NKAIN2: variants seen among roughly 807,000 people sequenced by gnomAD.
The protein encoded by NKAIN2 is sodium/potassium-transporting ATPase subunit beta-1-interacting protein 2.
NKAIN2 carries 14 observed loss-of-function variants against 32.6 expected under a neutral mutation model. The ratio of observed to expected loss-of-function variants is 0.43; its 90% CI spans 0.28 to 0.67. NKAIN2 has a LOEUF of 0.67. NKAIN2 is among the 30% of genes least tolerant of loss of function. NKAIN2 has a pLI of 0.17. For missense variants in NKAIN2, 198 were observed against 258.3 expected (o/e 0.77, Z 1.60); for synonymous variants, 80 against 87.2 (o/e 0.92, Z 0.46).
At chr6:124,626,455 A>G (rs1723489443) in intron 3 of NKAIN2, among the ~76,000 whole-genome samples, 1 of 152,082 alleles carries the variant, frequency 6.6e-6, no homozygotes, top group African/African-American at 2.4e-5. Context: ...AGCTTTATAC[A>G]ATGCAGATTC....
intron 1 of NKAIN2, among the ~76,000 whole-genome samples, chr6:124,050,062 G>T (rs1300716096): frequency 6.6e-6 from 1 of 151,846 alleles, no homozygotes; most frequent in African/African-American, 2.4e-5. Context: ...GTATATATGG[G>T]GTTTGTATTA....
At chr6:123,863,105 G>A (rs1775850729) in intron 1 of NKAIN2, among the ~76,000 whole-genome samples, 1 of 152,176 alleles carries the variant, frequency 6.6e-6, no homozygotes, top group Non-Finnish European at 1.5e-5. Context: ...CTTGCCAACT[G>A]GCCTCTGGAG....
chr6:124,045,229 C>G (rs1472023016), intron 1 of NKAIN2, among the ~76,000 whole-genome samples: 1 of 151,722 alleles, frequency 6.6e-6, no homozygotes, highest in African/African-American at 2.4e-5. Context: ...TATGAAACTA[C>G]TGGTCTGCAA....
intron 3 of NKAIN2, among the ~76,000 whole-genome samples, chr6:124,406,013 G>GGTGTGTGTGTGTGTGAGTGTGTGTGT (rs1773842605): frequency 6.7e-6 from 1 of 148,460 alleles, no homozygotes. Flanking sequence ...TTACCACCAC[G>GGTGTGTGTGTGTGTGAGTGTGTGTGT]GTGTGTGTGT....
intron 1 of NKAIN2, among the ~76,000 whole-genome samples, chr6:123,861,458 G>C (rs903908520): frequency 1.3e-5 from 2 of 152,272 alleles, no homozygotes; most frequent in African/African-American, 4.8e-5. Context: ...TGTTTGACTA[G>C]TTTACAGTCC....
intron 3 of NKAIN2, among the ~76,000 whole-genome samples, chr6:124,392,328 CTCAATAGCTATTTGCTG>C (rs1198307992): frequency 7.2e-5 from 11 of 152,114 alleles, no homozygotes; most frequent in African/African-American, 2.7e-4. Flanking sequence ...ATAGTAAGTA[CTCAATAGCTATTTGCTG>C]AATTAACAAA....
At chr6:124,792,298 C>T (rs910826322) in intron 5 of NKAIN2, among the ~76,000 whole-genome samples, 5 of 152,068 alleles carry the variant, frequency 3.3e-5, no homozygotes, top group African/African-American at 7.2e-5. Context: ...AGATAAATAT[C>T]TGTTTCTTCT....
intron 1 of NKAIN2, among the ~76,000 whole-genome samples, chr6:123,931,598 G>C (rs985569401): frequency 6.6e-6 from 1 of 152,008 alleles, no homozygotes; most frequent in Non-Finnish European, 1.5e-5. Flanking sequence ...GGATAAATAA[G>C]AGACTATACA....
chr6:124,204,806 A>C (rs1426070757), intron 1 of NKAIN2, among the ~76,000 whole-genome samples: 3 of 151,702 alleles, frequency 2.0e-5, no homozygotes, highest in Non-Finnish European at 4.4e-5. Flanking sequence ...AGCACTTATT[A>C]ATTTAGCTAA....
chr6:124,795,422 GA>G (rs1562387736), intron 5 of NKAIN2, among the ~76,000 whole-genome samples: 2 of 152,096 alleles, frequency 1.3e-5, no homozygotes, highest in South Asian at 2.1e-4. Flanking sequence ...TAGACCCAAT[GA>G]AATACCAATA....
At position 124,514,594 on chromosome 6, in the gene NKAIN2, G is replaced by A. The variant is rs551337215; in HGVS notation, c.274-143592G>A. ...GCTAGTATTTAGTTATGCAACTTCA[G>A]TGTTGGGTAGATGGATCTACCACAG... On this transcript the variant is annotated intron_variant, in intron 3 of 6. Coordinates refer to ENST00000368417, the MANE Select transcript of NKAIN2 (RefSeq NM_001040214.3). 4.6e-5 allele frequency among the ~76,000 whole-genome samples: 7 copies of A among 152,210 alleles called. No individual in the cohort carries two copies. The South Asian group carries it at 8.3e-4, about 18-fold the overall frequency.
chr6:124,037,614 C>T (rs1275777102), intron 1 of NKAIN2, among the ~76,000 whole-genome samples: 1 of 152,176 alleles, frequency 6.6e-6, no homozygotes, highest in East Asian at 1.9e-4. Context: ...ATCAAAGAGC[C>T]TCTTGAGACA....
At chr6:124,418,356 G>A (rs1234057329) in intron 3 of NKAIN2, among the ~76,000 whole-genome samples, 4 of 151,924 alleles carry the variant, frequency 2.6e-5, no homozygotes, top group South Asian at 2.1e-4. Context: ...GACATAGGTC[G>A]GGTCTTCCAA....
chr6:124,057,892 G>A (rs1782734512), intron 1 of NKAIN2, among the ~76,000 whole-genome samples: 1 of 151,946 alleles, frequency 6.6e-6, no homozygotes, highest in Admixed American at 6.6e-5. Context: ...TAAGATTATG[G>A]AGTGACTTAC....
intron 3 of NKAIN2, among the ~76,000 whole-genome samples, chr6:124,474,548 C>T (rs535350313): frequency 6.2e-4 from 95 of 152,220 alleles, no homozygotes; most frequent in Middle Eastern, 3.4e-3. Context: ...CACAAGCACA[C>T]ACCCTTTACA....
chr6:124,230,144 G>A (rs974966223), intron 1 of NKAIN2, among the ~76,000 whole-genome samples: 15 of 152,168 alleles, frequency 9.9e-5, no homozygotes, highest in Non-Finnish European at 1.2e-4. Context: ...GGGGAAACTT[G>A]TTGAGAGCTG....
intron 1 of NKAIN2, among the ~76,000 whole-genome samples, chr6:123,806,135 A>G (rs865934661): frequency 2.0e-4 from 30 of 152,270 alleles, no homozygotes; most frequent in Middle Eastern, 3.4e-3. Flanking sequence ...GCATCCATAC[A>G]TACAATGGTG....
intron 3 of NKAIN2, among the ~76,000 whole-genome samples, chr6:124,433,851 A>G (rs909042686): frequency 1.3e-5 from 2 of 152,168 alleles, no homozygotes; most frequent in African/African-American, 4.8e-5. Flanking sequence ...TTGAAAAATG[A>G]CCACTTGTAA....
At chr6:124,500,621 T>G (rs1778250778) in intron 3 of NKAIN2, among the ~76,000 whole-genome samples, 1 of 151,860 alleles carries the variant, frequency 6.6e-6, no homozygotes, top group African/African-American at 2.4e-5. Context: ...GCCACTGCAC[T>G]CCAGCCTGCG....
Sources: gnomAD v4.1 joint callset for allele counts (sites outside exome capture counted in the v4.1 genomes callset) on GRCh38, gnomAD v4.1.1 for gene constraint, MANE v1.5 for transcripts, NCBI Gene and HGNC (gene_info 2026-07-23, HGNC 2026-07-21) for gene names.